NIBAN1: variants seen among roughly 807,000 people sequenced by gnomAD.
NIBAN1 encodes niban apoptosis regulator 1.
Under a neutral mutation model 75.1 loss-of-function variants are expected in NIBAN1, and 81 were observed. The ratio of observed to expected loss-of-function variants is 1.08; its 90% CI spans 0.90 to 1.30. The LOEUF (loss-of-function observed/expected upper bound fraction) is 1.30, where lower values mean the gene tolerates loss of function less well. Ranked by LOEUF, NIBAN1 falls within the 50% of genes most tolerant of loss-of-function variation. The probability of loss-of-function intolerance (pLI) is 0.00; values close to 1 mark genes in which losing one functional copy is unlikely to be tolerated. For missense variants in NIBAN1, 1,133 were observed against 1,128.1 expected (o/e 1.00, Z -0.06); for synonymous variants, 436 against 424.8 (o/e 1.03, Z -0.32).
At chr1:184,941,402 C>T (rs1270193035) in intron 1 of NIBAN1, among the ~76,000 whole-genome samples, 1 of 152,072 alleles carries the variant, frequency 6.6e-6, no homozygotes, top group Non-Finnish European at 1.5e-5. Flanking sequence ...ATAATCCTAG[C>T]ACTTTAGGAG....
chr1:184,974,334 TGGCTGGA>T lies in NIBAN1; in HGVS notation c.16_22del (p.Ser7TrpfsTer40), dbSNP rs1557937643. On this transcript the variant is annotated frameshift_variant, in exon 1 of 14. Coordinates refer to ENST00000367511, the MANE Select transcript of NIBAN1 (RefSeq NM_052966.4). LOFTEE classifies it high-confidence loss of function. ...GTAAGCGCACTTGCCCTCGTCCAGCTGGCTGGAGGCTGAGCCGCCCATGACCGCGAGC... is the reference window on the plus strand; with the variant it reads ...GTAAGCGCACTTGCCCTCGTCCAGCTGGCTGAGCCGCCCATGACCGCGAGC... The T allele has an allele frequency of 1.3e-6, 2 of 1,566,614 alleles. No homozygotes were observed. The highest frequency in any genetic ancestry group is 2.3e-5 in the South Asian group (2 of 86,016).
At chr1:184,822,389 G>T (rs536370669) in intron 8 of NIBAN1, among the ~76,000 whole-genome samples, 5 of 152,190 alleles carry the variant, frequency 3.3e-5, no homozygotes, top group Non-Finnish European at 7.4e-5. Context: ...TTTGTGGTCC[G>T]TAAGGTCTCA....
chr1:184,922,747 C>T (rs1657591539), intron 1 of NIBAN1, among the ~76,000 whole-genome samples: 1 of 152,188 alleles, frequency 6.6e-6, no homozygotes, highest in South Asian at 2.1e-4. Flanking sequence ...GCTGGGATTA[C>T]AGGCACCTGC....
chr1:184,943,353 TA>T (rs1171736104), intron 1 of NIBAN1, among the ~76,000 whole-genome samples: 2 of 136,918 alleles, frequency 1.5e-5, no homozygotes, highest in African/African-American at 5.4e-5. Context: ...ATTTCAGACT[TA>T]AATTCAATTT....
intron 3 of NIBAN1, among the ~76,000 whole-genome samples, chr1:184,892,107 A>G (rs1353792749): frequency 6.6e-6 from 1 of 152,234 alleles, no homozygotes; most frequent in Non-Finnish European, 1.5e-5. Context: ...ATGCAGTGAA[A>G]AACTTTAATA....
At chr1:184,902,264 C>G (rs1656974777) in intron 1 of NIBAN1, among the ~76,000 whole-genome samples, 1 of 152,040 alleles carries the variant, frequency 6.6e-6, no homozygotes, top group Non-Finnish European at 1.5e-5. Context: ...GATGTTGGAG[C>G]AAAATACCAC....
At chr1:184,939,643 G>T (rs1658041956) in intron 1 of NIBAN1, among the ~76,000 whole-genome samples, 1 of 152,130 alleles carries the variant, frequency 6.6e-6, no homozygotes, top group Non-Finnish European at 1.5e-5. Context: ...TTTGCCACTT[G>T]TCACCAGAAA....
chr1:184,837,098 C>G (rs1395931498), intron 5 of NIBAN1, among the ~76,000 whole-genome samples: 1 of 152,206 alleles, frequency 6.6e-6, no homozygotes, highest in Non-Finnish European at 1.5e-5. Context: ...TCAGAATGTA[C>G]AGGTGTTCAA....
At chr1:184,887,045 C>T (rs234665) in intron 4 of NIBAN1, among the ~76,000 whole-genome samples, 2,230 of 152,166 alleles carry the variant, frequency 0.015, 47 homozygotes, top group African/African-American at 0.051. Flanking sequence ...CACTTGAACC[C>T]GGGAGGCAGA....
chr1:184,816,952 G>A (rs1013967121), intron 9 of NIBAN1, among the ~76,000 whole-genome samples: 1 of 152,088 alleles, frequency 6.6e-6, no homozygotes, highest in Non-Finnish European at 1.5e-5. Flanking sequence ...AGGTATACAT[G>A]TGCCATGTTG....
chr1:184,909,854 A>G (rs976337353), intron 1 of NIBAN1, among the ~76,000 whole-genome samples: 4 of 152,208 alleles, frequency 2.6e-5, no homozygotes, highest in Non-Finnish European at 5.9e-5. Flanking sequence ...TTATTTGGCA[A>G]TCTAATGATT....
chr1:184,912,382 G>A (rs1419950507), intron 1 of NIBAN1, among the ~76,000 whole-genome samples: 1 of 152,062 alleles, frequency 6.6e-6, no homozygotes, highest in African/African-American at 2.4e-5. Context: ...AAGAATATTA[G>A]GTCAAAGGGT....
intron 5 of NIBAN1, among the ~76,000 whole-genome samples, chr1:184,880,870 A>G (rs906719854): frequency 1.3e-5 from 2 of 152,176 alleles, no homozygotes; most frequent in Non-Finnish European, 2.9e-5. Context: ...TCAGAACCAC[A>G]GCCTTCCCTG....
intron 5 of NIBAN1, among the ~76,000 whole-genome samples, chr1:184,837,886 T>C (rs1193668350): frequency 6.6e-6 from 1 of 152,236 alleles, no homozygotes; most frequent in Non-Finnish European, 1.5e-5. Flanking sequence ...AACTGTTCTT[T>C]AAACAGCGTA....
At chr1:184,814,525 T>C (rs748644398) in intron 9 of NIBAN1, among the ~76,000 whole-genome samples, 2 of 152,228 alleles carry the variant, frequency 1.3e-5, no homozygotes, top group African/African-American at 2.4e-5. Context: ...GTTGGCCTCA[T>C]GCTACATTCA....
At chr1:184,815,087 T>A (rs1654490282) in intron 9 of NIBAN1, among the ~76,000 whole-genome samples, 1 of 152,200 alleles carries the variant, frequency 6.6e-6, no homozygotes, top group Admixed American at 6.5e-5. Context: ...AAGCGTCAGG[T>A]ACATTTGGCT....
chr1:184,823,990 A>G (rs1557877930), intron 6 of NIBAN1, among the ~76,000 whole-genome samples: 2 of 152,230 alleles, frequency 1.3e-5, no homozygotes, highest in African/African-American at 2.4e-5. Context: ...TGTTTTCCCA[A>G]TGTAAATAAC....
At position 184,920,896 on chromosome 1, in the gene NIBAN1, G is replaced by A. The variant is rs1657514772; in HGVS notation, c.56-21587C>T. Among the ~76,000 whole-genome samples the A allele has an allele frequency of 3.3e-5, 5 of 152,296 alleles. No homozygotes were observed. In the South Asian group the frequency reaches 1.0e-3, roughly 32 times the overall value. On this transcript the variant is annotated intron_variant, in intron 1 of 13. Coordinates refer to ENST00000367511, the MANE Select transcript of NIBAN1 (RefSeq NM_052966.4). ...CGCCTGTAATCCAAGCACCTTGGAA[G>A]GCCAAGGCAGGTGGATCACCTGAGG...
In NIBAN1 at chr1:184,818,715, G is replaced by T. The variant is rs542303174; in HGVS notation, c.1096C>A (p.Arg366Ser). 1 of 1,613,624 alleles carries T rather than the reference G, an allele frequency of 6.2e-7. No homozygotes were observed. Among genetic ancestry groups the T allele is most frequent in the Admixed American group, 1.7e-5 (1 of 60,004 alleles). Reference sequence around the variant, plus strand: ...TTCACCTCTTTCTCAAAGAGTACACGTACTTCACTGAATCCCGAGCTCACT... The same window carrying T: ...TTCACCTCTTTCTCAAAGAGTACACTTACTTCACTGAATCCCGAGCTCACT... ...GPVSSGFSEVRVLFEKEVNEV... is the reference protein window; with the variant it reads ...GPVSSGFSEVSVLFEKEVNEV... Residue 366 changes from arginine to serine, a missense_variant, in exon 9 of 14, where the codon CGT becomes AGT. Physicochemically the swap from Arg to Ser is moderately radical, Grantham distance 110. Coordinates refer to ENST00000367511, the MANE Select transcript of NIBAN1 (RefSeq NM_052966.4).
Sources: allele counts gnomAD v4.1 joint callset (sites outside exome capture counted in the v4.1 genomes callset), GRCh38; gene constraint gnomAD v4.1.1; transcripts MANE v1.5; gene names NCBI Gene and HGNC (gene_info 2026-07-23, HGNC 2026-07-21).